RGS17: variants seen among roughly 807,000 people sequenced by gnomAD.
RGS17 encodes regulator of G-protein signaling 17.
Under a neutral mutation model 25.5 loss-of-function variants are expected in RGS17, and 12 were observed. The ratio of observed to expected loss-of-function variants is 0.47; its 90% CI spans 0.30 to 0.76. RGS17 has a LOEUF of 0.76. RGS17 is among the 30% of genes least tolerant of loss of function. RGS17 has a pLI of 0.07. For missense variants in RGS17, 196 were observed against 242.2 expected, an observed-to-expected ratio of 0.81 and a Z score of 1.27; for synonymous variants, 71 against 76.9, an observed-to-expected ratio of 0.92 and a Z score of 0.40.
chr6:153,122,262 T>C (rs1261839884), intron 1 of RGS17, among the ~76,000 whole-genome samples: 3 of 152,162 alleles, frequency 2.0e-5, no homozygotes, highest in African/African-American at 7.2e-5. Context: ...GAAACATACA[T>C]ATATGCATAC....
intron 1 of RGS17, among the ~76,000 whole-genome samples, chr6:153,047,398 AAC>A (rs548996262): frequency 3.5e-4 from 54 of 152,330 alleles, no homozygotes; most frequent in African/African-American, 1.3e-3. Context: ...CCTCTAATGA[AAC>A]AGATTTTGTA....
At chr6:153,098,689 G>C (rs1384865641) in intron 1 of RGS17, among the ~76,000 whole-genome samples, 1 of 152,158 alleles carries the variant, frequency 6.6e-6, no homozygotes, top group African/African-American at 2.4e-5. Context: ...CAATGTATCA[G>C]ATGCCGGGTG....
chr6:153,123,133 T>C (rs1777660916), intron 1 of RGS17, among the ~76,000 whole-genome samples: 1 of 152,054 alleles, frequency 6.6e-6, no homozygotes, highest in African/African-American at 2.4e-5. Context: ...TGTATTGCTT[T>C]ATAGCATGTC....
At position 153,008,312 on chromosome 6, in the gene RGS17, T is replaced by C. The variant is rs756825723; in HGVS notation, c.*3262A>G. 5 of 123,762 alleles carry C rather than the reference T, an allele frequency of 4.0e-5. No individual in the cohort carries two copies. Among genetic ancestry groups the C allele is most frequent in the Non-Finnish European group, 8.5e-5 (5 of 59,082 alleles). The allele number at this position is 123,762 out of a possible 1,614,324, so 7.7% of individuals were successfully genotyped here. A position where few individuals can be genotyped will look rare whatever the true frequency, so the allele number is the denominator to read the frequency against. ...GCATATCAGAACTGGTCATTCTATGTACATATTTTAAGATTTCAAAAAAAA... is the reference window on the plus strand; with the variant it reads ...GCATATCAGAACTGGTCATTCTATGCACATATTTTAAGATTTCAAAAAAAA... On this transcript the variant is annotated 3_prime_UTR_variant, in exon 5 of 5. Coordinates refer to ENST00000206262, the MANE Select transcript of RGS17 (RefSeq NM_012419.5).
chr6:153,064,863 C>T (rs1042316560), intron 1 of RGS17, among the ~76,000 whole-genome samples: 1 of 151,934 alleles, frequency 6.6e-6, no homozygotes, highest in Non-Finnish European at 1.5e-5. Context: ...ATCACCTTCA[C>T]TAAAAGAAGA....
At chr6:153,069,967 C>G (rs1657365496) in intron 1 of RGS17, among the ~76,000 whole-genome samples, 1 of 151,928 alleles carries the variant, frequency 6.6e-6, no homozygotes, top group South Asian at 2.1e-4. Flanking sequence ...CATCTTTGTC[C>G]TTTTTGTTTT....
intron 1 of RGS17, among the ~76,000 whole-genome samples, chr6:153,106,826 G>T (rs1418469685): frequency 6.6e-6 from 1 of 151,550 alleles, no homozygotes; most frequent in Admixed American, 6.6e-5. Flanking sequence ...TAGAAATGCG[G>T]TTTCACCATG....
rs568148604 is a variant in RGS17, at chr6:153,130,577, C to G, written c.-26+547G>C. Among the ~76,000 whole-genome samples, 21 of 152,306 alleles carry G rather than the reference C, an allele frequency of 1.4e-4. No homozygotes were observed. The highest frequency in any genetic ancestry group is 4.6e-4 in the African/African-American group (19 of 41,564). On this transcript the variant is annotated intron_variant, in intron 1 of 4. Transcript: ENST00000206262. The surrounding 1 kb of genome is among the most constrained non-coding windows in gnomAD (Gnocchi z 6.4). ...ACCTCTTCTTCGAACACCTTCCCCA[C>G]CTGAGCAGTGCATTTTCCCAAAGGT...
chr6:153,065,724 T>C (rs1335249994), intron 1 of RGS17, among the ~76,000 whole-genome samples: 1 of 152,080 alleles, frequency 6.6e-6, no homozygotes, highest in African/African-American at 2.4e-5. Flanking sequence ...GAGAAATTTC[T>C]CAAAACAAGT....
At position 153,021,154 on chromosome 6, in the gene RGS17, G is replaced by T. The variant is rs947670298; in HGVS notation, c.444+3108C>A. Among the ~76,000 whole-genome samples, 137 of 152,260 alleles carry T rather than the reference G, an allele frequency of 9.0e-4. 1 individual carries two copies. The highest frequency in any genetic ancestry group is 3.2e-3 in the African/African-American group (133 of 41,544). ...TGTAAACAAATGAACTGAATGTTGA[G>T]ACTCAGAGGGGTAAAGTGATTTATC... On this transcript the variant is annotated intron_variant, in intron 4 of 4. Coordinates refer to ENST00000206262, the MANE Select transcript of RGS17 (RefSeq NM_012419.5).
chr6:153,053,912 A>G (rs1297064685), intron 1 of RGS17, among the ~76,000 whole-genome samples: 1 of 104,320 alleles, frequency 9.6e-6, no homozygotes, highest in Non-Finnish European at 1.8e-5. Context: ...ACATACACAC[A>G]TTATATATAT....
At chr6:153,129,990 G>C (rs1777762672) in intron 1 of RGS17, among the ~76,000 whole-genome samples, 1 of 152,064 alleles carries the variant, frequency 6.6e-6, no homozygotes, top group Admixed American at 6.5e-5. Flanking sequence ...AGGCGACCCC[G>C]GCTCGCTCTC....
At chr6:153,086,933 G>C (rs1227895655) in intron 1 of RGS17, among the ~76,000 whole-genome samples, 2 of 152,098 alleles carry the variant, frequency 1.3e-5, no homozygotes, top group African/African-American at 2.4e-5. Flanking sequence ...GTAAAAATCA[G>C]TTCATTACAT....
At chr6:153,084,746 G>A (rs1015169159) in intron 1 of RGS17, among the ~76,000 whole-genome samples, 4 of 152,284 alleles carry the variant, frequency 2.6e-5, no homozygotes, top group African/African-American at 9.6e-5. Flanking sequence ...ACTGTCCAGC[G>A]AATGGTGTCT....
At chr6:153,055,119 G>A (rs762101512) in intron 1 of RGS17, among the ~76,000 whole-genome samples, 17 of 152,268 alleles carry the variant, frequency 1.1e-4, no homozygotes, top group Middle Eastern at 3.4e-3. Context: ...ATCCCTGAAC[G>A]TGGTAAGTAA....
chr6:153,033,801 A>G (rs940940332), intron 2 of RGS17, among the ~76,000 whole-genome samples: 1 of 152,206 alleles, frequency 6.6e-6, no homozygotes, highest in Non-Finnish European at 1.5e-5. Context: ...CTCAGTTCTC[A>G]CGTTGATTAA....
chr6:153,033,289 A>T (rs1776179451), intron 2 of RGS17, among the ~76,000 whole-genome samples: 1 of 152,226 alleles, frequency 6.6e-6, no homozygotes, highest in South Asian at 2.1e-4. Context: ...AAGTAATTAC[A>T]TGGTGAAAAT....
At chr6:153,115,551 CT>C (rs1385104653) in intron 1 of RGS17, among the ~76,000 whole-genome samples, 1 of 152,142 alleles carries the variant, frequency 6.6e-6, no homozygotes, top group Non-Finnish European at 1.5e-5. Flanking sequence ...CATTGACTTT[CT>C]TCACAGAATT....
intron 1 of RGS17, among the ~76,000 whole-genome samples, chr6:153,069,812 T>A (rs898218693): frequency 6.7e-6 from 1 of 150,332 alleles, no homozygotes; most frequent in African/African-American, 2.5e-5. Context: ...TAAAAAAAAA[T>A]TGTTGGAGAG....
Sources: gnomAD v4.1 joint callset for allele counts (sites outside exome capture counted in the v4.1 genomes callset) on GRCh38, gnomAD v4.1.1 for gene constraint, Gnocchi (gnomAD v3.1) non-coding constraint, MANE v1.5 for transcripts, NCBI Gene and HGNC (gene_info 2026-07-23, HGNC 2026-07-21) for gene names.